MTNAP1: variants seen among roughly 807,000 people sequenced by gnomAD.
The protein encoded by MTNAP1 is mitochondrial nucleoid associated protein 1.
the MTNAP1 span, chr17:73,235,733 A>G: frequency 1.1e-5 from 18 of 1,614,198 alleles, no homozygotes; most frequent in Non-Finnish European, 1.5e-5. Flanking sequence ...TTGGTGGTGG[A>G]CAAACCAGAA....
At chr17:73,243,974 A>G in the MTNAP1 span, among the ~76,000 whole-genome samples, 6 of 152,180 alleles carry the variant, frequency 3.9e-5, no homozygotes, top group Non-Finnish European at 7.3e-5. Context: ...CAAAAGAGAG[A>G]AGGAGGAATA....
the MTNAP1 span, among the ~76,000 whole-genome samples, chr17:73,241,243 C>T: frequency 3.3e-5 from 5 of 152,080 alleles, no homozygotes; most frequent in African/African-American, 9.7e-5. Context: ...CTGCAAGCTC[C>T]GCCTCCTGGG....
the MTNAP1 span, chr17:73,242,470 G>T: frequency 1.7e-4 from 107 of 638,516 alleles, 2 homozygotes; most frequent in South Asian, 2.3e-3. Flanking sequence ...AATGTGTGTT[G>T]TCTTCCTAGT....
chr17:73,238,004 A>T, the MTNAP1 span, among the ~76,000 whole-genome samples: 157 of 152,260 alleles, frequency 1.0e-3, no homozygotes, highest in Middle Eastern at 6.8e-3. Context: ...ATGAGGCGAG[A>T]AGGGCTTGGG....
At chr17:73,244,903 A>G in the MTNAP1 span, among the ~76,000 whole-genome samples, 1 of 152,216 alleles carries the variant, frequency 6.6e-6, no homozygotes, top group African/African-American at 2.4e-5. Flanking sequence ...ATCGTCCTGC[A>G]TAAATGGAGA....
At chr17:73,234,975 G>C in the MTNAP1 span, among the ~76,000 whole-genome samples, 1 of 152,150 alleles carries the variant, frequency 6.6e-6, no homozygotes, top group Non-Finnish European at 1.5e-5. Context: ...CAGCACTTTA[G>C]GGGGCTGAGG....
the MTNAP1 span, among the ~76,000 whole-genome samples, chr17:73,235,018 C>G: frequency 6.6e-6 from 1 of 151,910 alleles, no homozygotes; most frequent in Non-Finnish European, 1.5e-5. Context: ...GAGTTCGAGA[C>G]CAGTCTGGGT....
At chr17:73,247,693 T>G in the MTNAP1 span, 1 of 184,272 alleles carries the variant, frequency 5.4e-6, no homozygotes, top group African/African-American at 2.4e-5. Context: ...AGATCCTGTA[T>G]TAATAAGAAG....
the MTNAP1 span, among the ~76,000 whole-genome samples, chr17:73,241,159 CTCT>C: frequency 6.6e-6 from 1 of 152,058 alleles, no homozygotes; most frequent in Non-Finnish European, 1.5e-5. Flanking sequence ...AGCATAAGCC[CTCT>C]TTTTTTTGTT....
the MTNAP1 span, chr17:73,243,149 G>A: frequency 1.4e-6 from 1 of 709,458 alleles, no homozygotes; most frequent in Non-Finnish European, 2.5e-6. Flanking sequence ...CTATTGCCTG[G>A]GGTTTCTGGG....
chr17:73,247,104 AT>A, the MTNAP1 span: 2 of 726,710 alleles, frequency 2.8e-6, no homozygotes, highest in African/African-American at 3.5e-5. Context: ...TGTAGTCAAA[AT>A]GTACAAAAAC....
the MTNAP1 span, chr17:73,233,426 G>T: frequency 1.3e-5 from 2 of 152,320 alleles, no homozygotes; most frequent in Admixed American, 1.3e-4. Context: ...GAAACGTCTA[G>T]CAGGTGTCAA....
the MTNAP1 span, chr17:73,248,396 GT>G: frequency 4.5e-6 from 5 of 1,106,272 alleles, no homozygotes; most frequent in Non-Finnish European, 6.7e-6. Context: ...AGCCTTATAA[GT>G]TTTGTCTCTT....
At chr17:73,236,659 A>G in the MTNAP1 span, 1 of 1,614,154 alleles carries the variant, frequency 6.2e-7, no homozygotes, top group South Asian at 1.1e-5. Flanking sequence ...AGAAGCCCAG[A>G]ATCATCATTG....
At chr17:73,236,604 A>T in the MTNAP1 span, 1 of 1,614,200 alleles carries the variant, frequency 6.2e-7, no homozygotes. Context: ...CAAGTAGTCA[A>T]AGTCTTGCCT....
the MTNAP1 span, among the ~76,000 whole-genome samples, chr17:73,237,831 A>G: frequency 9.6e-3 from 1,468 of 152,270 alleles, 10 homozygotes; most frequent in Non-Finnish European, 0.014. Flanking sequence ...GCCAGGTAAG[A>G]CGGGCAGGCA....
the MTNAP1 span, chr17:73,237,057 AT>A: frequency 7.0e-7 from 1 of 1,419,376 alleles, no homozygotes; most frequent in Admixed American, 2.5e-5. Context: ...TGCCTTTTGA[AT>A]TTATAAGGGT....
the MTNAP1 span, among the ~76,000 whole-genome samples, chr17:73,243,564 T>TC: frequency 1.1e-4 from 17 of 149,866 alleles, no homozygotes; most frequent in African/African-American, 2.5e-4. Context: ...TTTTTTTTTT[T>TC]CCCACCCAGG....
chr17:73,234,199 T>A, the MTNAP1 span, among the ~76,000 whole-genome samples: 1 of 152,206 alleles, frequency 6.6e-6, no homozygotes, highest in African/African-American at 2.4e-5. Flanking sequence ...TCCTGCCCTC[T>A]GGAACTTTAT....
Sources: gnomAD v4.1 joint callset for allele counts (sites outside exome capture counted in the v4.1 genomes callset) on GRCh38, gnomAD v4.1.1 for gene constraint, MANE v1.5 for transcripts, NCBI Gene and HGNC (gene_info 2026-07-23, HGNC 2026-07-21) for gene names.